The following RASA1 variants were observed in gnomAD, a reference collection of about 807,000 sequenced individuals.
RASA1 encodes the protein ras GTPase-activating protein 1.
RASA1 carries 25 observed loss-of-function variants against 132.2 expected under a neutral mutation model. That is an observed-to-expected ratio of 0.19 (90% CI 0.14 to 0.26). RASA1 has a LOEUF of 0.26. Among genes scored for constraint, RASA1 ranks in the 10% least tolerant of loss-of-function variants. The probability of loss-of-function intolerance (pLI) is 1.00; values close to 1 mark genes in which losing one functional copy is unlikely to be tolerated. For synonymous variants in RASA1, 477 were observed against 449.9 expected, an observed-to-expected ratio of 1.06 and a Z score of -0.76; for missense variants, 964 against 1,299.2, an observed-to-expected ratio of 0.74 and a Z score of 3.97.
At chr5:87,277,258 T>G (rs937382656) in intron 1 of RASA1, among the ~76,000 whole-genome samples, 1 of 152,162 alleles carries the variant, frequency 6.6e-6, no homozygotes, top group Non-Finnish European at 1.5e-5. Flanking sequence ...CAGATAAAAC[T>G]TAACGTACTT....
At chr5:87,269,706 C>T (rs973893778) in intron 1 of RASA1, among the ~76,000 whole-genome samples, 1 of 152,104 alleles carries the variant, frequency 6.6e-6, no homozygotes, top group Non-Finnish European at 1.5e-5. Flanking sequence ...TAGAGCTTCC[C>T]TTAAACATTT....
At chr5:87,306,286 C>T (rs2112295032) in intron 1 of RASA1, among the ~76,000 whole-genome samples, 1 of 152,232 alleles carries the variant, frequency 6.6e-6, no homozygotes, top group South Asian at 2.1e-4. Flanking sequence ...ACTATGCAGC[C>T]ATTAAAAAGA....
rs1318392563 is a variant in RASA1, at chr5:87,331,341, C to A, written c.540-7C>A. Reference sequence around the variant, plus strand: ...ATATTGTAATATCTTCTCTGTTTTTCCCCTAGGTGGTATCACGGAAAACTT... The same window carrying A: ...ATATTGTAATATCTTCTCTGTTTTTACCCTAGGTGGTATCACGGAAAACTT... On this transcript the variant is annotated splice_polypyrimidine_tract_variant and splice_region_variant and intron_variant, in intron 1 of 24. Coordinates refer to ENST00000274376, the MANE Select transcript of RASA1 (RefSeq NM_002890.3). 1 of 1,596,354 alleles carries A rather than the reference C, an allele frequency of 6.3e-7. No homozygotes were observed.
At chr5:87,360,837 C>T (rs939845499) in intron 9 of RASA1, among the ~76,000 whole-genome samples, 6 of 152,096 alleles carry the variant, frequency 3.9e-5, no homozygotes, top group African/African-American at 7.2e-5. Context: ...TCTTTGCATT[C>T]GTTTTCTGAT....
At chr5:87,341,009 A>C (rs1218391377) in intron 5 of RASA1, among the ~76,000 whole-genome samples, 2 of 151,958 alleles carry the variant, frequency 1.3e-5, no homozygotes, top group East Asian at 3.9e-4. Context: ...CTGCTGTTGA[A>C]ACTGATGTAT....
Position 87,267,920 on chromosome 5 carries a change from ATTTCCTCGTTACCCCGCCCCCC to A in RASA1, c.-527_-506del. 2.6e-6 allele frequency: 1 copy of A among 389,090 alleles called. No homozygotes were observed. The highest frequency in any genetic ancestry group is 4.5e-6 in the Non-Finnish European group (1 of 221,696). The allele number at this position is 389,090 out of a possible 1,614,324, so 24.1% of individuals were successfully genotyped here. ...CTCCAGGTAGTGAGCAGTTCAGTCGATTTCCTCGTTACCCCGCCCCCCTTTCTCTTGCCCCCCCACCCCTCTC... is the reference window on the plus strand; with the variant it reads ...CTCCAGGTAGTGAGCAGTTCAGTCGATTTCTCTTGCCCCCCCACCCCTCTC... On this transcript the variant is annotated 5_prime_UTR_variant, in exon 1 of 25. Coordinates refer to ENST00000274376, the MANE Select transcript of RASA1 (RefSeq NM_002890.3).
At chr5:87,347,557 T>G (rs1758951318) in intron 7 of RASA1, among the ~76,000 whole-genome samples, 1 of 151,984 alleles carries the variant, frequency 6.6e-6, no homozygotes, top group South Asian at 2.1e-4. Context: ...GTGAAATAGA[T>G]TCTTGTGGTG....
intron 12 of RASA1, among the ~76,000 whole-genome samples, chr5:87,371,404 GCA>G (rs965338968): frequency 2.0e-5 from 3 of 151,952 alleles, no homozygotes; most frequent in Admixed American, 1.3e-4. Flanking sequence ...ATTGAATAAA[GCA>G]ATAGTACACA....
chr5:87,275,801 C>T (rs1561249418), intron 1 of RASA1, among the ~76,000 whole-genome samples: 1 of 152,312 alleles, frequency 6.6e-6, no homozygotes, highest in East Asian at 1.9e-4. Flanking sequence ...GAACTCCTGA[C>T]CTCGTGATCT....
At chr5:87,285,580 CTT>C (rs1296643851) in intron 1 of RASA1, among the ~76,000 whole-genome samples, 1 of 145,864 alleles carries the variant, frequency 6.9e-6, no homozygotes, top group Admixed American at 6.8e-5. Flanking sequence ...TATTTAAAAA[CTT>C]TTTTTTAAGA....
Position 87,380,636 on chromosome 5 carries a change from G to A in RASA1, c.2690+41G>A, listed in dbSNP as rs1413010881. 2.7e-6 allele frequency: 4 copies of A among 1,500,108 alleles called. No individual in the cohort carries two copies. In the East Asian group the frequency reaches 6.8e-5, roughly 25 times the overall value. 92.9% of individuals were successfully genotyped at this position (1,500,108 alleles called of 1,614,324 possible). A position where few individuals can be genotyped will look rare whatever the true frequency, so the allele number is the denominator to read the frequency against. Reference sequence around the variant, plus strand: ...TGATTTGTTAAATCACATACTAATAGGTGGATAATTGTGAAAAATTGAGGA... The same window carrying A: ...TGATTTGTTAAATCACATACTAATAAGTGGATAATTGTGAAAAATTGAGGA... On this transcript the variant is annotated intron_variant, in intron 20 of 24. Coordinates refer to ENST00000274376, the MANE Select transcript of RASA1 (RefSeq NM_002890.3).
At chr5:87,335,435 T>G (rs1757899423) in intron 4 of RASA1, among the ~76,000 whole-genome samples, 1 of 145,282 alleles carries the variant, frequency 6.9e-6, no homozygotes, top group South Asian at 2.3e-4. Context: ...TTTTTTTTTT[T>G]TTTTTTTTTG....
intron 23 of RASA1, 65 bp downstream of exon 23, chr5:87,386,968 T>A: frequency 7.3e-7 from 1 of 1,371,436 alleles, no homozygotes; most frequent in Non-Finnish European, 1.0e-6. Context: ...GTTAACCCAT[T>A]TAAGCAGCAA....
intron 4 of RASA1, among the ~76,000 whole-genome samples, chr5:87,334,733 T>A (rs775027415): frequency 3.3e-5 from 5 of 152,180 alleles, no homozygotes; most frequent in Non-Finnish European, 5.9e-5. Flanking sequence ...GTGTTGTTGA[T>A]GAGGGAGTAA....
chr5:87,341,277 G>A lies in RASA1; in HGVS notation c.1018-13G>A. The A allele has an allele frequency of 7.5e-7, 1 of 1,326,192 alleles. No homozygotes were observed. The highest frequency in any genetic ancestry group is 9.7e-7 in the Non-Finnish European group (1 of 1,026,438). The allele number at this position is 1,326,192 out of a possible 1,614,324, so 82.2% of individuals were successfully genotyped here. ...TAATTATATAAAATACTGTCTTAATGTCTTCCCTTTAGGGCCGGGAAGAAG... is the reference window on the plus strand; with the variant it reads ...TAATTATATAAAATACTGTCTTAATATCTTCCCTTTAGGGCCGGGAAGAAG... On this transcript the variant is annotated splice_polypyrimidine_tract_variant and intron_variant, in intron 5 of 24. Coordinates refer to ENST00000274376, the MANE Select transcript of RASA1 (RefSeq NM_002890.3).
At chr5:87,299,337 G>A (rs1755258851) in intron 1 of RASA1, among the ~76,000 whole-genome samples, 1 of 152,124 alleles carries the variant, frequency 6.6e-6, no homozygotes. Flanking sequence ...GAAAACCTGA[G>A]TTTGTGGTTT....
chr5:87,283,148 GTTTTTT>G (rs200461511), intron 1 of RASA1, among the ~76,000 whole-genome samples: 1 of 103,258 alleles, frequency 9.7e-6, no homozygotes, highest in African/African-American at 3.6e-5. Flanking sequence ...TTTTTTTTGT[GTTTTTT>G]TTTTTTTTGG....
chr5:87,376,708 G>T (rs1761350160), intron 16 of RASA1, 143 bp downstream of exon 16: 1 of 1,255,212 alleles, frequency 8.0e-7, no homozygotes. Context: ...GTTTTATACT[G>T]TAATTTTGGT....
At chr5:87,304,296 C>T (rs1239574885) in intron 1 of RASA1, among the ~76,000 whole-genome samples, 5 of 152,130 alleles carry the variant, frequency 3.3e-5, no homozygotes, top group African/African-American at 1.2e-4. Flanking sequence ...TATAGCCTGA[C>T]ATCTTAGTCT....
Sources: gnomAD v4.1 joint callset for allele counts (sites outside exome capture counted in the v4.1 genomes callset) on GRCh38, gnomAD v4.1.1 for gene constraint, MANE v1.5 for transcripts, NCBI Gene and HGNC (gene_info 2026-07-23, HGNC 2026-07-21) for gene names.